Variants in MROH2A observed in about 807,000 individuals in gnomAD.
MROH2A encodes maestro heat-like repeat-containing protein family member 2A.
In MROH2A, 174 loss-of-function variants were observed where a neutral mutation model predicts 200.4. That is an observed-to-expected ratio of 0.87 (90% CI 0.77 to 0.98). The LOEUF is 0.98. MROH2A is among the 50% of genes least tolerant of loss of function. The pLI, the probability that MROH2A is intolerant of heterozygous loss-of-function variation, is 0.00. For missense variants in MROH2A, 2,045 were observed against 2,139.6 expected (o/e 0.96, Z 0.87); for synonymous variants, 829 against 840.4 (o/e 0.99, Z 0.23).
intron 35 of MROH2A, among the ~76,000 whole-genome samples, chr2:233,825,416 G>A (rs1704237787): frequency 2.0e-5 from 3 of 152,222 alleles, no homozygotes; most frequent in Admixed American, 6.5e-5. Context: ...CAAAGGGAAT[G>A]CTTCCGGCTT....
chr2:233,800,616 C>G (rs952148167), intron 14 of MROH2A, among the ~76,000 whole-genome samples: 1 of 129,956 alleles, frequency 7.7e-6, no homozygotes, highest in Non-Finnish European at 1.6e-5. Context: ...TACTTTAAGG[C>G]CCGTGTGTGT....
chr2:233,810,709 G>T, intron 22 of MROH2A, 85 bp from the exon 23 acceptor site: 2 of 1,494,054 alleles, frequency 1.3e-6, no homozygotes, highest in Non-Finnish European at 9.0e-7. Flanking sequence ...AGAGCAGAGG[G>T]AGTCCAGGAG....
chr2:233,783,452 G>A (rs1219889033), intron 3 of MROH2A, among the ~76,000 whole-genome samples: 2 of 152,124 alleles, frequency 1.3e-5, no homozygotes, highest in African/African-American at 4.8e-5. Context: ...TTGGTAGTCT[G>A]TATATGTCCA....
chr2:233,817,745 G>C (rs2124833399), intron 27 of MROH2A, among the ~76,000 whole-genome samples: 1 of 152,336 alleles, frequency 6.6e-6, no homozygotes. Context: ...TCAGAGCTGT[G>C]AACTGAGCAG....
Position 233,807,148 on chromosome 2 carries a change from TTA to T in MROH2A, c.2053-262_2053-261del, listed in dbSNP as rs61609563. ...TTTTTTGTGGCTGAGTAGTATTCCA[TTA>T]TATATATATATAATATGAACTGATA... is the stretch of plus-strand genomic sequence containing the variant. On this transcript the variant is annotated intron_variant, in intron 19 of 41. Coordinates refer to ENST00000389758, the MANE Select transcript of MROH2A (RefSeq NM_001394639.1). This position sits in a 1 kb window ranked among gnomAD's most constrained non-coding sequence, Gnocchi z 4.3. Among the ~76,000 whole-genome samples, 2 of 150,044 alleles carry T rather than the reference TTA, an allele frequency of 1.3e-5. No homozygotes were observed. The highest frequency in any genetic ancestry group is 6.6e-5 in the Admixed American group (1 of 15,048).
At position 233,800,143 on chromosome 2, in the gene MROH2A, C is replaced by A. The variant is rs1017513326; in HGVS notation, c.1450-62C>A. On this transcript the variant is annotated intron_variant, in intron 13 of 41. Coordinates refer to ENST00000389758, the MANE Select transcript of MROH2A (RefSeq NM_001394639.1). ...GCCCCTGGGGAGTGAGGAGACCACA[C>A]CTGAGACCACGACAAACCTCTGCTA... is the stretch of plus-strand genomic sequence containing the variant. 13 of 1,285,718 alleles carry A rather than the reference C, an allele frequency of 1.0e-5. No individual in the cohort carries two copies. The African/African-American group carries it at 1.7e-4, about 16-fold the overall frequency. The allele number at this position is 1,285,718 out of a possible 1,614,324, so 79.6% of individuals were successfully genotyped here.
At position 233,822,272 on chromosome 2, in the gene MROH2A, G is replaced by A. The variant is rs1483250457; in HGVS notation, c.3661G>A (p.Asp1221Asn). ...KADIWRLAAV[D>N]PLMTLCTIHL... ...TGACATCTGGCGCCTGGCTGCGGTG[G>A]ACCCCCTGATGGTGAGTTGCAGGCG... The change falls in exon 32 of 42, where the codon GAC (aspartate) becomes AAC (asparagine). Residue 1221 changes from aspartate to asparagine, a missense_variant. Asp to Asn is a conservative substitution (Grantham distance 23). Coordinates refer to ENST00000389758, the MANE Select transcript of MROH2A (RefSeq NM_001394639.1). 1 of 1,547,616 alleles carries A rather than the reference G, an allele frequency of 6.5e-7. No homozygotes were observed. Among genetic ancestry groups the A allele is most frequent in the East Asian group, 2.4e-5 (1 of 40,908 alleles).
At chr2:233,813,591 G>A (rs749478233) in intron 24 of MROH2A, 79 bp from the exon 25 acceptor site, 44 of 828,002 alleles carry the variant, frequency 5.3e-5, no homozygotes, top group Admixed American at 1.7e-4. Flanking sequence ...ATGTGTTTCC[G>A]TGCCCAGATT....
Position 233,822,449 on chromosome 2 carries a change from C to T in MROH2A, c.3759C>T (p.Leu1253=). The T allele has an allele frequency of 1.3e-6, 2 of 1,551,060 alleles. No individual in the cohort carries two copies. The highest frequency in any genetic ancestry group is 1.2e-5 in the South Asian group (1 of 84,068). The stretch of plus-strand genomic sequence containing the variant: ...TCCTCCCTGACCTCATCTACACCCT[C>T]CTGCTGCAGCTTGGAAGCAGCCACC... ...PDFLPDLIYT[L]LLQLGSSHRP... is the part of the protein sequence containing the mutation. Residue 1253 remains leucine, a synonymous_variant, in exon 33 of 42, where the codon CTC becomes CTT. Transcript: ENST00000389758.
At position 233,820,014 on chromosome 2, in the gene MROH2A, C is replaced by A. The variant is rs1227729555; in HGVS notation, c.3470C>A (p.Thr1157Asn). 2 of 1,545,234 alleles carry A rather than the reference C, an allele frequency of 1.3e-6. No individual in the cohort carries two copies. Among genetic ancestry groups the A allele is most frequent in the Non-Finnish European group, 1.7e-6 (2 of 1,143,206 alleles). Reference protein sequence around the residue: ...ILLLAHHHQETILTSLLRQPL... With the variant: ...ILLLAHHHQENILTSLLRQPL... The stretch of plus-strand genomic sequence containing the variant: ...CTGCTGGCGCACCACCACCAGGAGA[C>A]CATCCTCACATCGCTCCTGAGGCAG... Residue 1157 changes from threonine (T) to asparagine (N), a missense_variant, in exon 31 of 42, where the codon ACC becomes AAC. Transcript: ENST00000389758. This position sits in a 1 kb window ranked among gnomAD's most constrained non-coding sequence, Gnocchi z 4.1.
chr2:233,788,133 T>TACACA (rs1240716382), intron 3 of MROH2A, among the ~76,000 whole-genome samples: 1 of 103,140 alleles, frequency 9.7e-6, no homozygotes, highest in Non-Finnish European at 1.8e-5. Context: ...CATATATATT[T>TACACA]TATATATATA....
At chr2:233,798,876 G>C in intron 12 of MROH2A, 26 bp downstream of exon 12, 2 of 1,538,412 alleles carry the variant, frequency 1.3e-6, no homozygotes, top group Non-Finnish European at 1.8e-6. Flanking sequence ...CCTGGAAATG[G>C]GGGGCACTCA....
intron 16 of MROH2A, among the ~76,000 whole-genome samples, chr2:233,803,745 C>T (rs776054384): frequency 6.6e-6 from 1 of 152,202 alleles, no homozygotes; most frequent in African/African-American, 2.4e-5. Context: ...ATCCCCACTA[C>T]ACTGCCAATG....
At chr2:233,798,498 C>T (rs1045550121) in intron 11 of MROH2A, among the ~76,000 whole-genome samples, 3 of 152,194 alleles carry the variant, frequency 2.0e-5, no homozygotes, top group Admixed American at 2.0e-4. Context: ...AGCTGCAGGA[C>T]ACTAAAGAGC....
intron 3 of MROH2A, among the ~76,000 whole-genome samples, chr2:233,786,481 T>G (rs1701215604): frequency 6.6e-6 from 1 of 152,236 alleles, no homozygotes; most frequent in East Asian, 1.9e-4. Context: ...CCCACCCTTG[T>G]GACTTCATTC....
intron 24 of MROH2A, 110 bp downstream of exon 24, chr2:233,812,069 T>A: frequency 1.3e-6 from 1 of 765,232 alleles, no homozygotes; most frequent in Non-Finnish European, 2.2e-6. Context: ...CCTCCCTCTG[T>A]AGCAGGGGTC....
In MROH2A at chr2:233,794,348, G is replaced by T. The variant is rs1359966360; in HGVS notation, c.823-15G>T. On this transcript the variant is annotated splice_polypyrimidine_tract_variant and intron_variant, in intron 7 of 41. Transcript: ENST00000389758. ...TGGTGAGACAATGCGTCCCAGAGCT[G>T]GTTTCTGGTGGCAGGTGAAGCTGGG... The T allele has an allele frequency of 6.5e-7, 1 of 1,542,072 alleles. No homozygotes were observed. Among genetic ancestry groups the T allele is most frequent in the African/African-American group, 1.4e-5 (1 of 72,844 alleles).
At position 233,800,078 on chromosome 2, in the gene MROH2A, C is replaced by T. The variant is rs555979829; in HGVS notation, c.1450-127C>T. ...ATGTGTGGGGTCCTAGATATATGCACAGCTCTGAGCATTCTGTAGACTCAG... is the reference window on the plus strand; with the variant it reads ...ATGTGTGGGGTCCTAGATATATGCATAGCTCTGAGCATTCTGTAGACTCAG... On this transcript the variant is annotated intron_variant, in intron 13 of 41. Coordinates refer to ENST00000389758, the MANE Select transcript of MROH2A (RefSeq NM_001394639.1). 7.2e-5 allele frequency: 76 copies of T among 1,059,632 alleles called. 2 individuals carry two copies. In the South Asian group the frequency reaches 1.1e-3, roughly 16 times the overall value. 65.6% of individuals were successfully genotyped at this position (1,059,632 alleles called of 1,614,324 possible).
In MROH2A at chr2:233,814,457, G is replaced by A. The variant is rs1000321132; in HGVS notation, c.2761-125G>A. ...CTTCACTTGAGAAAATAAGTGTCAA[G>A]AGCTCAGACTGAACAGAAGTTAGTG... On this transcript the variant is annotated intron_variant, in intron 25 of 41. Transcript: ENST00000389758. The A allele has an allele frequency of 6.4e-6, 4 of 620,688 alleles. No individual in the cohort carries two copies. In the African/African-American group the frequency reaches 7.5e-5, roughly 12 times the overall value. The allele number at this position is 620,688 out of a possible 1,614,324, so 38.4% of individuals were successfully genotyped here. A position where few individuals can be genotyped will look rare whatever the true frequency, so the allele number is the denominator to read the frequency against.
Sources: gnomAD v4.1 joint callset for allele counts (sites outside exome capture counted in the v4.1 genomes callset) on GRCh38, gnomAD v4.1.1 for gene constraint, Gnocchi (gnomAD v3.1) non-coding constraint, MANE v1.5 for transcripts, NCBI Gene and HGNC (gene_info 2026-07-23, HGNC 2026-07-21) for gene names.